The following GPC5 variants were observed in gnomAD, a reference collection of about 807,000 sequenced individuals.
The protein encoded by GPC5 is glypican-5.
GPC5 carries 47 observed loss-of-function variants against 53.9 expected under a neutral mutation model. That is an observed-to-expected ratio of 0.87 (90% CI 0.69 to 1.11). The LOEUF is 1.11. GPC5 is among the 50% of genes most tolerant of loss of function. The pLI is 0.00. For synonymous variants in GPC5, 286 were observed against 263.3 expected (o/e 1.09, Z -0.84); for missense variants, 748 against 713.1 (o/e 1.05, Z -0.56).
intron 7 of GPC5, among the ~76,000 whole-genome samples, chr13:92,274,314 C>T (rs1199397564): frequency 1.3e-5 from 2 of 152,202 alleles, no homozygotes; most frequent in East Asian, 3.9e-4. Context: ...CATTTAACAT[C>T]ACAGACAGTA....
intron 2 of GPC5, among the ~76,000 whole-genome samples, chr13:91,492,817 G>T (rs192557533): frequency 9.3e-4 from 142 of 152,192 alleles, no homozygotes; most frequent in African/African-American, 3.3e-3. Context: ...CAATGATCTT[G>T]TTCTCTTTGT....
intron 7 of GPC5, among the ~76,000 whole-genome samples, chr13:92,794,795 G>A (rs1241529194): frequency 6.6e-6 from 1 of 152,042 alleles, no homozygotes; most frequent in East Asian, 1.9e-4. Context: ...TTGCTACAAA[G>A]AGAATAAAAT....
chr13:92,690,898 C>T lies in GPC5; in HGVS notation c.1562-175384C>T. Among the ~76,000 whole-genome samples the T allele has an allele frequency of 3.1e-5, 2 of 63,930 alleles. 1 individual carries two copies. The highest frequency in any genetic ancestry group is 1.3e-4 in the African/African-American group (2 of 15,884). The allele number at this position is 63,930 out of a possible 152,430, so 41.9% of individuals were successfully genotyped here. On this transcript the variant is annotated intron_variant, in intron 7 of 7. Coordinates refer to ENST00000377067, the MANE Select transcript of GPC5 (RefSeq NM_004466.6). ...CTGCTCAGGGGTCAGGGGTCAGGGA[C>T]CCACTTGAGGAGGCAGTCTGCCCAT... is the stretch of plus-strand genomic sequence containing the variant.
At chr13:91,449,985 A>T (rs1253384887) in intron 2 of GPC5, among the ~76,000 whole-genome samples, 1 of 152,120 alleles carries the variant, frequency 6.6e-6, no homozygotes, top group African/African-American at 2.4e-5. Flanking sequence ...ATTAATGTCA[A>T]TCTATTTGAA....
chr13:92,689,286 C>A (rs1432147738), intron 7 of GPC5, among the ~76,000 whole-genome samples: 2 of 45,282 alleles, frequency 4.4e-5, no homozygotes, highest in African/African-American at 9.7e-5. Flanking sequence ...ATAGTTAGCT[C>A]CTCTTGTTGA....
chr13:92,625,959 G>C (rs1885032816), intron 7 of GPC5, among the ~76,000 whole-genome samples: 1 of 152,156 alleles, frequency 6.6e-6, no homozygotes, highest in Non-Finnish European at 1.5e-5. Flanking sequence ...TCAGGAGCCT[G>C]TGACAGCCAT....
At chr13:92,262,721 G>A (rs889381924) in intron 7 of GPC5, among the ~76,000 whole-genome samples, 9 of 152,138 alleles carry the variant, frequency 5.9e-5, no homozygotes, top group Non-Finnish European at 7.4e-5. Context: ...GTGATTTAAT[G>A]TATACAGAGT....
intron 6 of GPC5, among the ~76,000 whole-genome samples, chr13:92,035,382 T>C (rs1197375028): frequency 6.6e-6 from 1 of 152,182 alleles, no homozygotes; most frequent in Non-Finnish European, 1.5e-5. Context: ...GCATAGATTT[T>C]ATTTTGTTTA....
chr13:92,634,987 T>A (rs1462039345), intron 7 of GPC5, among the ~76,000 whole-genome samples: 1 of 151,900 alleles, frequency 6.6e-6, no homozygotes, highest in Non-Finnish European at 1.5e-5. Flanking sequence ...AATATTTTAC[T>A]GTTAACATAT....
At chr13:92,441,225 C>T (rs1336456530) in intron 7 of GPC5, among the ~76,000 whole-genome samples, 1 of 152,156 alleles carries the variant, frequency 6.6e-6, no homozygotes, top group African/African-American at 2.4e-5. Context: ...TGCACCACCA[C>T]ACCTGGCTAA....
At chr13:91,424,299 C>CT (rs201392542) in intron 1 of GPC5, among the ~76,000 whole-genome samples, 145 of 114,396 alleles carry the variant, frequency 1.3e-3, no homozygotes, top group African/African-American at 4.1e-3. Context: ...ACAAGAATGA[C>CT]TTTTTTTTTT....
In GPC5 at chr13:92,610,030, C is replaced by CAAAAAAAAAAAAAAAAAA. The variant is rs56913637; in HGVS notation, c.1562-256244_1562-256227dup. Among the ~76,000 whole-genome samples the CAAAAAAAAAAAAAAAAAA allele has an allele frequency of 2.8e-5, 2 of 70,838 alleles. 1 individual carries two copies. Among genetic ancestry groups the CAAAAAAAAAAAAAAAAAA allele is most frequent in the Non-Finnish European group, 5.1e-5 (2 of 39,278 alleles). 46.5% of individuals were successfully genotyped at this position (70,838 alleles called of 152,430 possible). A position where few individuals can be genotyped will look rare whatever the true frequency, so the allele number is the denominator to read the frequency against. ...TGAGCAACAGAGCGAGACTCCATCT[C>CAAAAAAAAAAAAAAAAAA]AAAAAAAAAAAAAAAAAAAAAAAAA... On this transcript the variant is annotated intron_variant, in intron 7 of 7. Transcript: ENST00000377067.
intron 7 of GPC5, among the ~76,000 whole-genome samples, chr13:92,480,075 C>T (rs1247259524): frequency 1.3e-5 from 2 of 151,954 alleles, no homozygotes; most frequent in Non-Finnish European, 2.9e-5. Flanking sequence ...TCACTTGAGG[C>T]CAGGAGTTTG....
At chr13:91,650,750 GTTTTT>G (rs67507888) in intron 2 of GPC5, among the ~76,000 whole-genome samples, 6 of 99,642 alleles carry the variant, frequency 6.0e-5, no homozygotes, top group Admixed American at 1.1e-4. Flanking sequence ...ATTCCCATAA[GTTTTT>G]TTTTTTTTTT....
intron 5 of GPC5, among the ~76,000 whole-genome samples, chr13:91,866,872 G>T (rs2039090188): frequency 6.6e-6 from 1 of 152,096 alleles, no homozygotes; most frequent in South Asian, 2.1e-4. Flanking sequence ...TCACTGTTTA[G>T]CTCTATTTTT....
chr13:92,766,635 A>G (rs946642869), intron 7 of GPC5, among the ~76,000 whole-genome samples: 24 of 152,240 alleles, frequency 1.6e-4, no homozygotes, highest in Admixed American at 1.5e-3. Context: ...CAGATTCGGT[A>G]TAAGACATAT....
chr13:91,493,216 G>T (rs982096267), intron 2 of GPC5, among the ~76,000 whole-genome samples: 15 of 152,114 alleles, frequency 9.9e-5, no homozygotes, highest in African/African-American at 2.9e-4. Context: ...TTTAAATTTT[G>T]TGGGTACATA....
chr13:92,086,520 C>T (rs1449524106), intron 6 of GPC5, among the ~76,000 whole-genome samples: 1 of 152,158 alleles, frequency 6.6e-6, no homozygotes, highest in African/African-American at 2.4e-5. Flanking sequence ...GCCCTCTCAC[C>T]TTTGACTTCA....
At chr13:92,764,874 T>A (rs2138741871) in intron 7 of GPC5, among the ~76,000 whole-genome samples, 1 of 152,228 alleles carries the variant, frequency 6.6e-6, no homozygotes, top group Middle Eastern at 3.4e-3. Context: ...AGGTCTTAAG[T>A]TTATGTCATT....
Sources: gnomAD v4.1 joint callset for allele counts (sites outside exome capture counted in the v4.1 genomes callset) on GRCh38, gnomAD v4.1.1 for gene constraint, MANE v1.5 for transcripts, NCBI Gene and HGNC (gene_info 2026-07-23, HGNC 2026-07-21) for gene names.